Variants in ZNF804A observed in about 807,000 individuals in gnomAD.
ZNF804A encodes the protein zinc finger protein 804A.
ZNF804A carries 2 observed loss-of-function variants against 16.5 expected under a neutral mutation model. That is an observed-to-expected ratio of 0.12 (90% confidence interval 0.05 to 0.38). ZNF804A has a LOEUF of 0.38. Ranked by LOEUF, ZNF804A falls within the 10% of genes least tolerant of loss-of-function variation. The pLI, the probability that ZNF804A is intolerant of heterozygous loss-of-function variation, is 0.99. For synonymous variants in ZNF804A, 534 were observed against 489.6 expected (o/e 1.09, Z -1.20); for missense variants, 1,473 against 1,390.7 (o/e 1.06, Z -0.94).
chr2:184,709,328 A>T (rs1190049410), intron 1 of ZNF804A, among the ~76,000 whole-genome samples: 2 of 152,092 alleles, frequency 1.3e-5, no homozygotes, highest in African/African-American at 4.8e-5. Flanking sequence ...GTAGATATGA[A>T]TCAGATATGA....
chr2:184,741,603 G>T lies in ZNF804A; in HGVS notation c.112-124766G>T, dbSNP rs188950742. 5.2e-3 allele frequency among the ~76,000 whole-genome samples: 788 copies of T among 152,238 alleles called. 22 individuals carry two copies. The highest frequency in any genetic ancestry group is 0.046 in the Admixed American group (709 of 15,250). Reference sequence around the variant, plus strand: ...CAGGCAGGGCATTCAGAGGCTTAGAGATTACTTCTCAGGAGCTGAGAGCAA... The same window carrying T: ...CAGGCAGGGCATTCAGAGGCTTAGATATTACTTCTCAGGAGCTGAGAGCAA... On this transcript the variant is annotated intron_variant, in intron 1 of 3. Coordinates refer to ENST00000302277, the MANE Select transcript of ZNF804A (RefSeq NM_194250.2).
In ZNF804A at chr2:184,885,435, G is replaced by A. The variant is rs543990368; in HGVS notation, c.255+18923G>A. Among the ~76,000 whole-genome samples the A allele has an allele frequency of 2.0e-5, 3 of 152,142 alleles. No individual in the cohort carries two copies. In the South Asian group the frequency reaches 6.2e-4, roughly 32 times the overall value. On this transcript the variant is annotated intron_variant, in intron 2 of 3. Coordinates refer to ENST00000302277, the MANE Select transcript of ZNF804A (RefSeq NM_194250.2). ...CACAATAGCAAAGACAGGAAATCAA[G>A]CTAAATGCTCATCAAAAGTAGAGTG...
chr2:184,855,611 TATATAC>T (rs201958498), intron 1 of ZNF804A, among the ~76,000 whole-genome samples: 13,338 of 142,170 alleles, frequency 0.094, 692 homozygotes, highest in African/African-American at 0.17. Flanking sequence ...CATATATATA[TATATAC>T]ACACACACAC....
chr2:184,633,933 CT>C (rs1691654160), intron 1 of ZNF804A, among the ~76,000 whole-genome samples: 1 of 152,050 alleles, frequency 6.6e-6, no homozygotes, highest in South Asian at 2.1e-4. Context: ...TTGGTTAAGA[CT>C]TTTTTCTTTC....
intron 2 of ZNF804A, among the ~76,000 whole-genome samples, chr2:184,916,756 G>A (rs1231986207): frequency 6.6e-6 from 1 of 152,080 alleles, no homozygotes; most frequent in African/African-American, 2.4e-5. Context: ...GCTGAGGCAG[G>A]AGAATCGCTT....
intron 1 of ZNF804A, among the ~76,000 whole-genome samples, chr2:184,816,134 A>G (rs1694979416): frequency 6.6e-6 from 1 of 152,058 alleles, no homozygotes; most frequent in African/African-American, 2.4e-5. Context: ...GAGATTCCTT[A>G]ATGGAATACA....
At chr2:184,753,985 T>C (rs1574196108) in intron 1 of ZNF804A, among the ~76,000 whole-genome samples, 1 of 152,026 alleles carries the variant, frequency 6.6e-6, no homozygotes, top group East Asian at 1.9e-4. Flanking sequence ...AAACACATTT[T>C]ATCTGTCTAT....
intron 1 of ZNF804A, among the ~76,000 whole-genome samples, chr2:184,620,865 T>G (rs1359816597): frequency 6.6e-6 from 1 of 151,718 alleles, no homozygotes; most frequent in Admixed American, 6.6e-5. Flanking sequence ...AATTTTAGTA[T>G]ACAAGGAATG....
At chr2:184,607,341 T>G (rs1691165701) in intron 1 of ZNF804A, among the ~76,000 whole-genome samples, 1 of 152,198 alleles carries the variant, frequency 6.6e-6, no homozygotes, top group Non-Finnish European at 1.5e-5. Flanking sequence ...AAGGTTTAAT[T>G]GACTCACAGT....
At chr2:184,800,142 C>A (rs1694701654) in intron 1 of ZNF804A, among the ~76,000 whole-genome samples, 1 of 152,004 alleles carries the variant, frequency 6.6e-6, no homozygotes, top group Non-Finnish European at 1.5e-5. Context: ...TCATTCACTT[C>A]TCATATATGT....
At chr2:184,852,505 G>A (rs1695622802) in intron 1 of ZNF804A, among the ~76,000 whole-genome samples, 1 of 134,240 alleles carries the variant, frequency 7.4e-6, no homozygotes, top group Non-Finnish European at 1.6e-5. Context: ...TGGAGTCACT[G>A]CCAAAAATAT....
intron 1 of ZNF804A, among the ~76,000 whole-genome samples, chr2:184,666,320 G>T (rs1692253137): frequency 6.6e-6 from 1 of 151,884 alleles, no homozygotes; most frequent in East Asian, 1.9e-4. Context: ...TCCTTCAGAA[G>T]CTAGAAAAAC....
chr2:184,733,632 G>A (rs1210620867), intron 1 of ZNF804A, among the ~76,000 whole-genome samples: 4 of 152,064 alleles, frequency 2.6e-5, no homozygotes, highest in African/African-American at 9.7e-5. Flanking sequence ...GAATACTTTA[G>A]TAAACCCATC....
intron 2 of ZNF804A, among the ~76,000 whole-genome samples, chr2:184,878,869 C>A (rs1408993045): frequency 3.3e-5 from 5 of 151,804 alleles, no homozygotes; most frequent in Non-Finnish European, 2.9e-5. Flanking sequence ...AGACCATACC[C>A]GAATTTTCAG....
rs181094273 is a variant in ZNF804A at position 184,666,830 on chromosome 2, T to C, written c.111+67760T>C. On this transcript the variant is annotated intron_variant, in intron 1 of 3. Transcript: ENST00000302277. ...CAATATCAGAATTCACTACTTAGAG[T>C]ATATCAGCTGAGGGAAATATACGTG... 3.9e-5 allele frequency among the ~76,000 whole-genome samples: 6 copies of C among 152,118 alleles called. No individual in the cohort carries two copies. The East Asian group carries it at 1.2e-3, about 29-fold the overall frequency.
intron 1 of ZNF804A, among the ~76,000 whole-genome samples, chr2:184,638,705 T>G (rs1691742841): frequency 6.6e-6 from 1 of 152,226 alleles, no homozygotes; most frequent in African/African-American, 2.4e-5. Flanking sequence ...ATTTCCAATG[T>G]CTTGCCTCCA....
chr2:184,716,212 T>C (rs1693211115), intron 1 of ZNF804A, among the ~76,000 whole-genome samples: 1 of 152,146 alleles, frequency 6.6e-6, no homozygotes, highest in Non-Finnish European at 1.5e-5. Context: ...ACTATAATTA[T>C]ATACCTTGCC....
At chr2:184,605,623 A>G (rs1348717142) in intron 1 of ZNF804A, among the ~76,000 whole-genome samples, 1 of 152,114 alleles carries the variant, frequency 6.6e-6, no homozygotes, top group African/African-American at 2.4e-5. Flanking sequence ...TTTACATTTT[A>G]CTGGGCATTA....
chr2:184,626,449 AT>A (rs1691501058), intron 1 of ZNF804A, among the ~76,000 whole-genome samples: 1 of 152,110 alleles, frequency 6.6e-6, no homozygotes, highest in Admixed American at 6.6e-5. Flanking sequence ...TAAAATCCAC[AT>A]TTTTTCATAA....
Sources: gnomAD v4.1 joint callset for allele counts (sites outside exome capture counted in the v4.1 genomes callset) on GRCh38, gnomAD v4.1.1 for gene constraint, MANE v1.5 for transcripts, NCBI Gene and HGNC (gene_info 2026-07-23, HGNC 2026-07-21) for gene names.